TMEM132D: variants seen among roughly 807,000 people sequenced by gnomAD.
TMEM132D encodes mature OL transmembrane protein.
In TMEM132D, 21 loss-of-function variants were observed where a neutral mutation model predicts 62.3. The observed-to-expected ratio is 0.34, with a 90% CI of 0.24 to 0.49. The LOEUF (loss-of-function observed/expected upper bound fraction) is 0.49. TMEM132D is among the 20% of genes least tolerant of loss of function. The pLI is 0.99. For synonymous variants in TMEM132D, 621 were observed against 575.6 expected, an observed-to-expected ratio of 1.08 and a Z score of -1.13; for missense variants, 1,346 against 1,402.8, an observed-to-expected ratio of 0.96 and a Z score of 0.65.
At chr12:129,247,002 G>A (rs1444414389) in intron 4 of TMEM132D, among the ~76,000 whole-genome samples, 1 of 152,090 alleles carries the variant, frequency 6.6e-6, no homozygotes, top group African/African-American at 2.4e-5. Flanking sequence ...TGGTATCAAA[G>A]GTATGAAAAC....
At position 129,779,850 on chromosome 12, in the gene TMEM132D, G is replaced by A. The variant is rs922215476; in HGVS notation, c.80-79152C>T. Among the ~76,000 whole-genome samples, 5 of 152,078 alleles carry A rather than the reference G, an allele frequency of 3.3e-5. No homozygotes were observed. Among genetic ancestry groups the A allele is most frequent in the Admixed American group, 6.5e-5 (1 of 15,276 alleles). ...GACAGAGAGAAATGAACTGAGCTGC[G>A]AGGACAATAATTAAAAGAATCTGCA... On this transcript the variant is annotated intron_variant, in intron 1 of 8. Transcript: ENST00000422113. The surrounding 1 kb of genome is among the most constrained non-coding windows in gnomAD (Gnocchi z 4.1).
At chr12:129,299,766 C>T (rs1306080383) in intron 4 of TMEM132D, among the ~76,000 whole-genome samples, 3 of 152,102 alleles carry the variant, frequency 2.0e-5, no homozygotes, top group South Asian at 4.2e-4. Context: ...TTCAGACGTC[C>T]TTCAGGGCGT....
rs35535325 is a variant in TMEM132D at position 129,490,596 on chromosome 12, A to ATTTTTTTTTTTTTT, written c.1115+40449_1115+40462dup. 4.2e-4 allele frequency among the ~76,000 whole-genome samples: 30 copies of ATTTTTTTTTTTTTT among 71,110 alleles called. 1 individual carries two copies. Among genetic ancestry groups the ATTTTTTTTTTTTTT allele is most frequent in the African/African-American group, 1.3e-3 (16 of 12,330 alleles). The allele number at this position is 71,110 out of a possible 152,430, so 46.7% of individuals were successfully genotyped here. ...GGCGCCCGCCCACCACGCCCGGCTA[A>ATTTTTTTTTTTTTT]TTTTTTTTTTTTTTTTTTTTTTTTT... On this transcript the variant is annotated intron_variant, in intron 3 of 8. Transcript: ENST00000422113.
chr12:129,704,205 G>T (rs1881449678), intron 1 of TMEM132D, among the ~76,000 whole-genome samples: 1 of 152,132 alleles, frequency 6.6e-6, no homozygotes, highest in Admixed American at 6.5e-5. Context: ...CCCAAATCTG[G>T]CAATCCTCAG....
intron 5 of TMEM132D, among the ~76,000 whole-genome samples, chr12:129,199,860 G>T (rs1034190163): frequency 2.0e-5 from 3 of 152,066 alleles, no homozygotes; most frequent in Non-Finnish European, 4.4e-5. Flanking sequence ...TGGGTCCCTC[G>T]CATGACACAT....
intron 1 of TMEM132D, among the ~76,000 whole-genome samples, chr12:129,723,284 A>G (rs1868910747): frequency 6.6e-6 from 1 of 152,236 alleles, no homozygotes; most frequent in South Asian, 2.1e-4. Context: ...TGTCTAGACA[A>G]TAGCAGCCAG....
intron 5 of TMEM132D, among the ~76,000 whole-genome samples, chr12:129,154,238 G>C (rs1877165443): frequency 6.6e-6 from 1 of 152,160 alleles, no homozygotes; most frequent in South Asian, 2.1e-4. Context: ...GGGAGGTGAG[G>C]AGAGAGCATC....
intron 3 of TMEM132D, among the ~76,000 whole-genome samples, chr12:129,444,495 A>G (rs1299890138): frequency 6.6e-6 from 1 of 152,172 alleles, no homozygotes; most frequent in Non-Finnish European, 1.5e-5. Context: ...TCTGGGATAC[A>G]TGTGCAGGTT....
chr12:129,188,896 T>C (rs758362199), intron 5 of TMEM132D, among the ~76,000 whole-genome samples: 4 of 152,158 alleles, frequency 2.6e-5, no homozygotes, highest in Non-Finnish European at 4.4e-5. Flanking sequence ...ATTAAGGCTG[T>C]AGCAGAGAGT....
intron 3 of TMEM132D, among the ~76,000 whole-genome samples, chr12:129,502,915 T>C (rs1875198317): frequency 6.6e-6 from 1 of 152,314 alleles, no homozygotes; most frequent in Middle Eastern, 3.4e-3. Flanking sequence ...CCCAGGCTTA[T>C]TTATTTGTTC....
At chr12:129,817,360 C>T (rs1450150081) in intron 1 of TMEM132D, among the ~76,000 whole-genome samples, 1 of 152,176 alleles carries the variant, frequency 6.6e-6, no homozygotes, top group East Asian at 1.9e-4. Flanking sequence ...TCACCGTGAA[C>T]ACACAGAACC....
intron 3 of TMEM132D, among the ~76,000 whole-genome samples, chr12:129,421,714 G>C (rs1382637754): frequency 6.6e-6 from 1 of 152,144 alleles, no homozygotes; most frequent in Non-Finnish European, 1.5e-5. Flanking sequence ...TGCTGGATTT[G>C]TTTGTTAATG....
At chr12:129,597,891 C>A (rs187582025) in intron 2 of TMEM132D, among the ~76,000 whole-genome samples, 115 of 151,820 alleles carry the variant, frequency 7.6e-4, no homozygotes, top group African/African-American at 2.7e-3. Context: ...GCTTTATTGG[C>A]GGGGGGTGGA....
chr12:129,199,888 C>A (rs558919147), intron 5 of TMEM132D, among the ~76,000 whole-genome samples: 5 of 152,260 alleles, frequency 3.3e-5, no homozygotes, highest in Admixed American at 2.0e-4. Flanking sequence ...ATGGGAGCAA[C>A]AATTCAAGAT....
At chr12:129,657,338 TG>T (rs1414112538) in intron 2 of TMEM132D, among the ~76,000 whole-genome samples, 1 of 151,842 alleles carries the variant, frequency 6.6e-6, no homozygotes, top group East Asian at 1.9e-4. Flanking sequence ...TGGGATAGGA[TG>T]GGGCTGATCT....
At chr12:129,082,221 G>T (rs1234035878) in intron 6 of TMEM132D, among the ~76,000 whole-genome samples, 189 bp from the exon 7 acceptor site, 1 of 152,190 alleles carries the variant, frequency 6.6e-6, no homozygotes, top group Admixed American at 6.5e-5. Context: ...CCATCAGCAT[G>T]GCCGGTGCAG....
At chr12:129,711,675 C>T (rs901910286) in intron 1 of TMEM132D, among the ~76,000 whole-genome samples, 133 of 143,930 alleles carry the variant, frequency 9.2e-4, no homozygotes, top group African/African-American at 3.3e-3. Flanking sequence ...TGGAGTGAGC[C>T]GAGATCGCGC....
At chr12:129,245,187 G>T (rs567856342) in intron 4 of TMEM132D, among the ~76,000 whole-genome samples, 6 of 152,182 alleles carry the variant, frequency 3.9e-5, no homozygotes, top group Non-Finnish European at 8.8e-5. Context: ...TCTCACTGCC[G>T]TAAAAATTTG....
At chr12:129,703,284 C>A (rs1252522843) in intron 1 of TMEM132D, among the ~76,000 whole-genome samples, 1 of 152,174 alleles carries the variant, frequency 6.6e-6, no homozygotes, top group African/African-American at 2.4e-5. Context: ...ACATCGGGTC[C>A]TATGATTTTA....
Sources: allele counts gnomAD v4.1 joint callset (sites outside exome capture counted in the v4.1 genomes callset), GRCh38; gene constraint gnomAD v4.1.1; non-coding constraint Gnocchi (gnomAD v3.1); transcripts MANE v1.5; gene names NCBI Gene and HGNC (gene_info 2026-07-23, HGNC 2026-07-21).